AHDC1: variants seen among roughly 807,000 people sequenced by gnomAD.
AHDC1 encodes the protein transcription factor Gibbin.
A neutral mutation model predicts 87.9 loss-of-function variants in AHDC1; 7 were observed. The ratio of observed to expected loss-of-function variants is 0.08; its 90% confidence interval spans 0.05 to 0.15. The LOEUF is 0.15. Among genes scored for constraint, AHDC1 ranks in the 10% least tolerant of loss-of-function variants. The pLI, the probability that AHDC1 is intolerant of heterozygous loss-of-function variation, is 1.00. For missense variants in AHDC1, 1,841 were observed against 2,253.2 expected (o/e 0.82, Z 3.70); for synonymous variants, 1,051 against 1,006.8 (o/e 1.04, Z -0.83).
intron 8 of AHDC1, among the ~76,000 whole-genome samples, chr1:27,542,264 G>A (rs911938475): frequency 8.5e-5 from 13 of 152,324 alleles, no homozygotes; most frequent in East Asian, 5.8e-4. Flanking sequence ...TAGCTGAGCC[G>A]GGTCATTTTG....
chr1:27,597,424 C>A (rs904843978), intron 3 of AHDC1, among the ~76,000 whole-genome samples: 1 of 151,640 alleles, frequency 6.6e-6, no homozygotes, highest in Non-Finnish European at 1.5e-5. Flanking sequence ...CAGGTGTGAC[C>A]GTGGGGGCTG....
intron 3 of AHDC1, among the ~76,000 whole-genome samples, chr1:27,588,424 G>A (rs891826434): frequency 2.0e-5 from 3 of 152,194 alleles, no homozygotes; most frequent in Non-Finnish European, 4.4e-5. Flanking sequence ...TTTGTTGAAT[G>A]AATCAATGAA....
intron 3 of AHDC1, among the ~76,000 whole-genome samples, chr1:27,570,259 T>C (rs1164064173): frequency 5.3e-5 from 8 of 151,902 alleles, no homozygotes; most frequent in Non-Finnish European, 1.2e-4. Flanking sequence ...CCTGGGCTAT[T>C]TTCGCTCTGG....
chr1:27,556,164 G>C (rs903230955), intron 5 of AHDC1, among the ~76,000 whole-genome samples: 11 of 151,780 alleles, frequency 7.2e-5, no homozygotes, highest in African/African-American at 2.7e-4. Context: ...CCACATCCTT[G>C]AGTCCCCAGC....
rs1030929392 is a variant in AHDC1, at chr1:27,558,996, T to A, written c.-628-113A>T. ...GGAAGCTCTCCTACATGGAGTCCCA[T>A]CCACCTCCAACCTCATCGCATTATC... On this transcript the variant is annotated intron_variant, in intron 3 of 8. Transcript: ENST00000673934. The surrounding 1 kb of genome is among the most constrained non-coding windows in gnomAD (Gnocchi z 5.6). The A allele has an allele frequency of 2.5e-6, 1 of 397,394 alleles. No individual in the cohort carries two copies. 24.6% of individuals were successfully genotyped at this position (397,394 alleles called of 1,614,324 possible). A position where few individuals can be genotyped will look rare whatever the true frequency, so the allele number is the denominator to read the frequency against.
At position 27,598,041 on chromosome 1, in the gene AHDC1, T is replaced by C. The variant is rs1482212812; in HGVS notation, c.-629+5356A>G. ...GTTTCACCACCCATCTGTCTGGCTG[T>C]CTGTGTTAGTCCTTCCAAGGGTGCC... On this transcript the variant is annotated intron_variant, in intron 3 of 8. Coordinates refer to ENST00000673934, the MANE Select transcript of AHDC1 (RefSeq NM_001371928.1). This position sits in a 1 kb window ranked among gnomAD's most constrained non-coding sequence, Gnocchi z 4.2. Among the ~76,000 whole-genome samples the C allele has an allele frequency of 6.6e-6, 1 of 152,164 alleles. No individual in the cohort carries two copies. Among genetic ancestry groups the C allele is most frequent in the South Asian group, 2.1e-4 (1 of 4,830 alleles).
chr1:27,588,971 CTGT>C (rs1029668712), intron 3 of AHDC1, among the ~76,000 whole-genome samples: 11 of 151,910 alleles, frequency 7.2e-5, no homozygotes, highest in Admixed American at 2.6e-4. Flanking sequence ...TATGGGGGGG[CTGT>C]TGTTGTGAAC....
intron 8 of AHDC1, among the ~76,000 whole-genome samples, chr1:27,542,374 C>A (rs1330772166): frequency 6.6e-6 from 1 of 152,154 alleles, no homozygotes; most frequent in Non-Finnish European, 1.5e-5. Flanking sequence ...CACTAGAATA[C>A]AACCTCCTTC....
intron 3 of AHDC1, among the ~76,000 whole-genome samples, chr1:27,600,907 C>G (rs2089512890): frequency 6.6e-6 from 1 of 152,190 alleles, no homozygotes; most frequent in African/African-American, 2.4e-5. Context: ...AAGGCCCCAT[C>G]AAGGGCTGGG....
intron 3 of AHDC1, among the ~76,000 whole-genome samples, chr1:27,570,055 C>T (rs1039546899): frequency 5.9e-5 from 9 of 152,032 alleles, no homozygotes; most frequent in African/African-American, 2.2e-4. Context: ...TCCTGTTAAC[C>T]CTCTGCATTC....
intron 3 of AHDC1, among the ~76,000 whole-genome samples, chr1:27,575,988 G>A (rs1414867164): frequency 6.6e-6 from 1 of 152,082 alleles, no homozygotes; most frequent in Non-Finnish European, 1.5e-5. Flanking sequence ...GGAGGCGCCC[G>A]GCAGCGGTCC....
intron 3 of AHDC1, among the ~76,000 whole-genome samples, chr1:27,579,142 T>A (rs1479242320): frequency 6.6e-6 from 1 of 151,452 alleles, no homozygotes; most frequent in African/African-American, 2.4e-5. Flanking sequence ...TCTTCTGGGC[T>A]CAATCTTCCC....
intron 3 of AHDC1, among the ~76,000 whole-genome samples, chr1:27,599,449 C>G (rs1372691364): frequency 2.6e-5 from 4 of 152,168 alleles, no homozygotes; most frequent in Non-Finnish European, 5.9e-5. Context: ...CTGCTTCTCT[C>G]CCCAGGCTCC....
chr1:27,594,379 T>C (rs899820692), intron 3 of AHDC1, among the ~76,000 whole-genome samples: 27 of 152,136 alleles, frequency 1.8e-4, no homozygotes, highest in Middle Eastern at 3.2e-3. Flanking sequence ...AAGTGTGGGC[T>C]GGGGGCAACT....
rs375964883 is a variant in AHDC1, at chr1:27,547,850, G to A, written c.4266C>T (p.Cys1422=). 82 of 1,547,704 alleles carry A rather than the reference G, an allele frequency of 5.3e-5. No individual in the cohort carries two copies. The highest frequency in any genetic ancestry group is 2.1e-4 in the Middle Eastern group (1 of 4,874). ...CCTGGAGTCCATGCTTGAGGGGCTC[G>A]CAGGCAGCCAGCTTTGTGGGCGGTG... is the stretch of plus-strand genomic sequence containing the variant. ...LRPPPTKLAA[C]EPLKHGLQGA... Residue 1422 remains cysteine (C), a synonymous_variant, in exon 8 of 9, where the codon TGC becomes TGT. Transcript: ENST00000673934. This position sits in a 1 kb window ranked among gnomAD's most constrained non-coding sequence, Gnocchi z 4.9.
intron 3 of AHDC1, among the ~76,000 whole-genome samples, chr1:27,580,694 G>A (rs1225460643): frequency 6.6e-6 from 1 of 152,222 alleles, no homozygotes; most frequent in Non-Finnish European, 1.5e-5. Context: ...ACAAGATCAT[G>A]AGGTATATTG....
rs1183804102 is a variant in AHDC1 at position 27,563,908 on chromosome 1, T to C, written c.-628-5025A>G. On this transcript the variant is annotated intron_variant, in intron 3 of 8. Transcript: ENST00000673934. This position sits in a 1 kb window ranked among gnomAD's most constrained non-coding sequence, Gnocchi z 6.1. ...GTAGTTGTGTATCTAGGGAGGGGGCTGAATGAGTGGTGGAGGGAGGGCTGT... is the reference window on the plus strand; with the variant it reads ...GTAGTTGTGTATCTAGGGAGGGGGCCGAATGAGTGGTGGAGGGAGGGCTGT... Among the ~76,000 whole-genome samples, 1 of 152,082 alleles carries C rather than the reference T, an allele frequency of 6.6e-6. No individual in the cohort carries two copies. The highest frequency in any genetic ancestry group is 6.5e-5 in the Admixed American group (1 of 15,276).
At chr1:27,552,374 G>A in intron 7 of AHDC1, 185 bp from the exon 8 acceptor site, 1 of 438,300 alleles carries the variant, frequency 2.3e-6, no homozygotes, top group Admixed American at 4.2e-5. Context: ...CATGTGTATA[G>A]TGAGCCCCTC....
intron 8 of AHDC1, among the ~76,000 whole-genome samples, chr1:27,546,296 T>C (rs548468554): frequency 6.6e-6 from 1 of 152,312 alleles, no homozygotes; most frequent in Non-Finnish European, 1.5e-5. Flanking sequence ...TTCAACCTTG[T>C]TCCCTTTGAT....
Sources: gnomAD v4.1 joint callset for allele counts (sites outside exome capture counted in the v4.1 genomes callset) on GRCh38, gnomAD v4.1.1 for gene constraint, Gnocchi (gnomAD v3.1) non-coding constraint, MANE v1.5 for transcripts, NCBI Gene and HGNC (gene_info 2026-07-23, HGNC 2026-07-21) for gene names.